The following AGMO variants were observed in gnomAD, a reference collection of about 807,000 sequenced individuals.
AGMO encodes glyceryl-ether monooxygenase.
AGMO carries 75 observed loss-of-function variants against 60.2 expected under a neutral mutation model. The ratio of observed to expected loss-of-function variants is 1.25; its 90% CI spans 1.03 to 1.51. The LOEUF (loss-of-function observed/expected upper bound fraction) is 1.51. Ranked by LOEUF, AGMO falls within the 40% of genes most tolerant of loss-of-function variation. AGMO has a pLI of 0.00. For synonymous variants in AGMO, 261 were observed against 177.1 expected (o/e 1.47, Z -3.76); for missense variants, 763 against 525.5 (o/e 1.45, Z -4.42).
chr7:15,232,756 A>G (rs1370502932), intron 12 of AGMO, among the ~76,000 whole-genome samples: 1 of 151,428 alleles, frequency 6.6e-6, no homozygotes, highest in Non-Finnish European at 1.5e-5. Flanking sequence ...AAAATACAGC[A>G]ATTACACCAA....
At chr7:15,237,457 A>G (rs1311303415) in intron 12 of AGMO, among the ~76,000 whole-genome samples, 1 of 152,030 alleles carries the variant, frequency 6.6e-6, no homozygotes, top group African/African-American at 2.4e-5. Flanking sequence ...CAATGTCTAC[A>G]GAATATACTT....
chr7:15,432,329 T>C (rs796538759), intron 3 of AGMO, among the ~76,000 whole-genome samples: 1 of 81,038 alleles, frequency 1.2e-5, no homozygotes, highest in African/African-American at 5.0e-5. Flanking sequence ...TGTATATATG[T>C]ATATATATAT....
chr7:15,131,393 C>A, the AGMO span, among the ~76,000 whole-genome samples: 1 of 152,040 alleles, frequency 6.6e-6, no homozygotes, highest in Non-Finnish European at 1.5e-5. Flanking sequence ...AACTTACAAA[C>A]CTCAGTGCTT....
the AGMO span, among the ~76,000 whole-genome samples, chr7:15,135,510 T>A: frequency 6.6e-6 from 1 of 152,152 alleles, no homozygotes. Context: ...AGAAAATGAA[T>A]GAAAAGGGTT....
chr7:15,178,440 T>C, the AGMO span, among the ~76,000 whole-genome samples: 6 of 152,296 alleles, frequency 3.9e-5, no homozygotes, highest in South Asian at 2.1e-4. Flanking sequence ...CTGGAAACAC[T>C]TGGTTCCTTA....
chr7:15,126,650 T>C, the AGMO span, among the ~76,000 whole-genome samples: 2 of 152,106 alleles, frequency 1.3e-5, no homozygotes, highest in Non-Finnish European at 2.9e-5. Context: ...ATATTGTGAC[T>C]TACTTTTCAA....
the AGMO span, among the ~76,000 whole-genome samples, chr7:15,131,851 A>T: frequency 6.6e-6 from 1 of 151,908 alleles, no homozygotes; most frequent in South Asian, 2.1e-4. Flanking sequence ...TGGGTAGAGC[A>T]AGCTGCCATG....
At chr7:15,499,345 A>T (rs1197159100) in intron 3 of AGMO, among the ~76,000 whole-genome samples, 1 of 151,920 alleles carries the variant, frequency 6.6e-6, no homozygotes, top group African/African-American at 2.4e-5. Context: ...ACTTTGAAGC[A>T]AACCCTCACC....
chr7:15,129,177 A>G, the AGMO span, among the ~76,000 whole-genome samples: 5 of 152,084 alleles, frequency 3.3e-5, no homozygotes, highest in Non-Finnish European at 4.4e-5. Flanking sequence ...TGATTGCTAC[A>G]TAAGTGTGGT....
At chr7:15,407,151 T>A (rs1784726385) in intron 5 of AGMO, among the ~76,000 whole-genome samples, 1 of 147,472 alleles carries the variant, frequency 6.8e-6, no homozygotes, top group South Asian at 2.1e-4. Flanking sequence ...TATAGATATA[T>A]GTATATGTGA....
chr7:15,334,359 T>G (rs1441537555), intron 12 of AGMO, among the ~76,000 whole-genome samples: 1 of 151,934 alleles, frequency 6.6e-6, no homozygotes, highest in Non-Finnish European at 1.5e-5. Flanking sequence ...ACAATTACAA[T>G]TATCTGCTTT....
At chr7:15,209,909 G>A (rs1162156397) in intron 12 of AGMO, among the ~76,000 whole-genome samples, 1 of 151,934 alleles carries the variant, frequency 6.6e-6, no homozygotes, top group African/African-American at 2.4e-5. Flanking sequence ...GGCAATATAG[G>A]TACTGATTAC....
At chr7:15,519,555 T>A (rs1027715202) in intron 3 of AGMO, among the ~76,000 whole-genome samples, 1 of 152,132 alleles carries the variant, frequency 6.6e-6, no homozygotes, top group African/African-American at 2.4e-5. Flanking sequence ...CCAGTGAAAC[T>A]AAGCTTCATA....
At chr7:15,213,993 T>C (rs1346401853) in intron 12 of AGMO, among the ~76,000 whole-genome samples, 1 of 152,012 alleles carries the variant, frequency 6.6e-6, no homozygotes, top group Non-Finnish European at 1.5e-5. Context: ...AGATTGGCCA[T>C]TAATGTATTG....
chr7:15,376,289 G>T (rs895099234), intron 10 of AGMO, among the ~76,000 whole-genome samples: 17 of 152,090 alleles, frequency 1.1e-4, no homozygotes, highest in Non-Finnish European at 1.5e-5. Flanking sequence ...CCTGGACATT[G>T]ACTTGAAAAC....
the AGMO span, among the ~76,000 whole-genome samples, chr7:15,185,446 T>TA: frequency 0.22 from 33,453 of 152,058 alleles, 3,908 homozygotes; most frequent in South Asian, 0.32. Flanking sequence ...TTCTGGTAGG[T>TA]AATGAATGAG....
At position 15,560,250 on chromosome 7, in the gene AGMO, A is replaced by T. The variant is rs370958429; in HGVS notation, c.148T>A (p.Leu50Met). The T allele has an allele frequency of 5.3e-5, 86 of 1,612,472 alleles. No individual in the cohort carries two copies. The highest frequency in any genetic ancestry group is 6.9e-5 in the Non-Finnish European group (81 of 1,178,950). Reference sequence around the variant, plus strand: ...CTGACAACAAGTTCAAGCAGCATCAAAGAAATGAAAAATGGAGTTGCCTGG... The same window carrying T: ...CTGACAACAAGTTCAAGCAGCATCATAGAAATGAAAAATGGAGTTGCCTGG... ...VKKATPFFIS[L>M]MLLELVVSWI... Residue 50 changes from leucine (L) to methionine (M), a missense_variant, in exon 2 of 13, where the codon TTG becomes ATG. By Grantham distance (15) the Leu-to-Met change is conservative. Coordinates refer to ENST00000342526, the MANE Select transcript of AGMO (RefSeq NM_001004320.2).
the AGMO span, among the ~76,000 whole-genome samples, chr7:15,155,414 A>T: frequency 9.2e-6 from 1 of 108,930 alleles, no homozygotes; most frequent in Non-Finnish European, 1.9e-5. Context: ...TGCATTACAG[A>T]ATTTCTTTTT....
chr7:15,256,136 A>C (rs2128508067), intron 12 of AGMO, among the ~76,000 whole-genome samples: 1 of 152,306 alleles, frequency 6.6e-6, no homozygotes, highest in Non-Finnish European at 1.5e-5. Context: ...GGCAGCAGTT[A>C]TTGGTAATGA....
Sources: gnomAD v4.1 joint callset for allele counts (sites outside exome capture counted in the v4.1 genomes callset) on GRCh38, gnomAD v4.1.1 for gene constraint, MANE v1.5 for transcripts, NCBI Gene and HGNC (gene_info 2026-07-23, HGNC 2026-07-21) for gene names.